The following STEEP1 variants were observed in gnomAD, a reference collection of about 807,000 sequenced individuals.
STEEP1 encodes STING ER exit protein.
STEEP1 carries 3 observed loss-of-function variants against 19.2 expected under a neutral mutation model. That is an observed-to-expected ratio of 0.16 (90% CI 0.07 to 0.40). The LOEUF is 0.40. STEEP1 is among the 10% of genes least tolerant of loss of function. The probability of loss-of-function intolerance (pLI) is 0.99; values close to 1 mark genes in which losing one functional copy is unlikely to be tolerated. For missense variants in STEEP1, 54 were observed against 177.1 expected (o/e 0.30, Z 3.94); for synonymous variants, 46 against 63.7 (o/e 0.72, Z 1.32).
chrX:119,548,235 C>T (rs1326646899), intron 2 of STEEP1, among the ~76,000 whole-genome samples: 1 of 109,541 alleles, frequency 9.1e-6, no homozygotes. Context: ...GTTAGAATGG[C>T]TGTTATCAAA....
chrX:119,549,095 T>C (rs1208149772), intron 2 of STEEP1, among the ~76,000 whole-genome samples: 2 of 111,688 alleles, frequency 1.8e-5, no homozygotes, highest in Non-Finnish European at 3.8e-5. Context: ...TGGGAGGTTG[T>C]TGTCCAATGG....
chrX:119,553,475 T>C (rs2147353879), intron 2 of STEEP1, among the ~76,000 whole-genome samples: 1 of 111,592 alleles, frequency 9.0e-6, no homozygotes, highest in Admixed American at 9.6e-5. Context: ...ATAAGGAAAT[T>C]GGGGGCCTAA....
chrX:119,546,922 T>C (rs2053210038), intron 2 of STEEP1, among the ~76,000 whole-genome samples: 1 of 111,303 alleles, frequency 9.0e-6, no homozygotes, highest in Admixed American at 9.7e-5. Context: ...TCCCCTTGTT[T>C]CAACTTTGTA....
chrX:119,544,030 C>T (rs1414965445), intron 4 of STEEP1, among the ~76,000 whole-genome samples: 1 of 111,256 alleles, frequency 9.0e-6, no homozygotes. Flanking sequence ...AGAATGCATC[C>T]ATACACATGC....
rs758801450 is a variant in STEEP1 at position 119,554,837 on chromosome X, T to G, written c.242+5431A>C. The stretch of plus-strand genomic sequence containing the variant: ...AATCAAGATTTCAGGCCAGGCACGG[T>G]GGCTCACACCTGTAATCCCAGCATT... On this transcript the variant is annotated intron_variant, in intron 2 of 6. Transcript: ENST00000644802. 2.7e-5 allele frequency among the ~76,000 whole-genome samples: 3 copies of G among 111,465 alleles called. No individual in the cohort carries two copies. In the South Asian group the frequency reaches 1.1e-3, roughly 42 times the overall value.
Position 119,544,498 on chromosome X carries a change from T to G in STEEP1, c.285-7A>C, listed in dbSNP as rs749919862. On this transcript the variant is annotated splice_polypyrimidine_tract_variant and splice_region_variant and intron_variant, in intron 3 of 6. Transcript: ENST00000644802. ...GAAGAGCGGCAGTCCACACCTGCAA[T>G]GACACAGTGAATTTCTGCGAGGTCT... The G allele has an allele frequency of 1.1e-5, 13 of 1,204,011 alleles. No homozygotes were observed. In the East Asian group the frequency reaches 3.9e-4, roughly 36 times the overall value.
intron 5 of STEEP1, among the ~76,000 whole-genome samples, chrX:119,541,791 G>A (rs753954289): frequency 8.9e-6 from 1 of 111,832 alleles, no homozygotes; most frequent in Admixed American, 9.6e-5. Flanking sequence ...TTATACTGAA[G>A]AACCATAAAG....
intron 4 of STEEP1, among the ~76,000 whole-genome samples, chrX:119,543,241 G>A (rs1434794693): frequency 9.2e-6 from 1 of 108,425 alleles, no homozygotes; most frequent in Admixed American, 1.0e-4. Context: ...CCAGCCTGAA[G>A]TGCAATGGTG....
chrX:119,561,489 C>T (rs2053320390), intron 1 of STEEP1, among the ~76,000 whole-genome samples: 2 of 109,295 alleles, frequency 1.8e-5, no homozygotes, highest in Admixed American at 9.9e-5. Context: ...CAACATATAG[C>T]GAAACCGTCT....
chrX:119,564,956 G>A (rs1167524566), intron 1 of STEEP1, among the ~76,000 whole-genome samples: 1 of 110,957 alleles, frequency 9.0e-6, no homozygotes, highest in Admixed American at 9.6e-5. Flanking sequence ...GGATTAAGAG[G>A]GAAATACAAT....
At chrX:119,555,909 G>A (rs745353369) in intron 2 of STEEP1, among the ~76,000 whole-genome samples, 14 of 111,803 alleles carry the variant, frequency 1.3e-4, no homozygotes, top group African/African-American at 3.2e-4. Flanking sequence ...AGAAGGAAAA[G>A]AAGGACTAGC....
chrX:119,557,364 G>A (rs757311053), intron 2 of STEEP1, among the ~76,000 whole-genome samples: 8 of 105,660 alleles, frequency 7.6e-5, no homozygotes, highest in Non-Finnish European at 9.7e-5. Flanking sequence ...TTGGGAGGCC[G>A]AGGTGGGAGG....
chrX:119,557,246 T>C (rs1480196966), intron 2 of STEEP1, among the ~76,000 whole-genome samples: 1 of 108,083 alleles, frequency 9.3e-6, no homozygotes, highest in East Asian at 2.9e-4. Context: ...TAAAGTTTCA[T>C]AAGGGCAGGA....
At chrX:119,549,103 T>C (rs2053227517) in intron 2 of STEEP1, among the ~76,000 whole-genome samples, 1 of 111,561 alleles carries the variant, frequency 9.0e-6, no homozygotes, top group Non-Finnish European at 1.9e-5. Context: ...TGTTGTCCAA[T>C]GGATATAAAG....
At chrX:119,556,779 T>C (rs1169256180) in intron 2 of STEEP1, among the ~76,000 whole-genome samples, 1 of 110,564 alleles carries the variant, frequency 9.0e-6, no homozygotes, top group South Asian at 3.8e-4. Flanking sequence ...TTAGATTTTA[T>C]CATCAGCATA....
intron 4 of STEEP1, among the ~76,000 whole-genome samples, chrX:119,542,997 C>CAAAAAAAA (rs60574433): frequency 6.5e-4 from 31 of 47,895 alleles, no homozygotes; most frequent in Non-Finnish European, 9.8e-4. Context: ...CTGGGTCTCG[C>CAAAAAAAA]AAAAAAAAAA....
Position 119,565,091 on chromosome X carries a change from G to A in STEEP1, c.124+141C>T, listed in dbSNP as rs188077777. On this transcript the variant is annotated intron_variant, in intron 1 of 6. Transcript: ENST00000644802. ...ATGCCCTGGAGTGGGGCGGGGATGC[G>A]TAGGGAGGATTTAGTCGGAGAGAGA... 155 of 988,995 alleles carry A rather than the reference G, an allele frequency of 1.6e-4. 1 individual carries two copies. In the African/African-American group the frequency reaches 2.8e-3, roughly 18 times the overall value. The allele number at this position is 988,995 out of a possible 1,213,427, so 81.5% of individuals were successfully genotyped here.
chrX:119,564,265 G>A (rs1471010601), intron 1 of STEEP1, among the ~76,000 whole-genome samples: 1 of 111,735 alleles, frequency 8.9e-6, no homozygotes, highest in Non-Finnish European at 1.9e-5. Context: ...GGGAGGCCGA[G>A]GCGGGTGGAT....
intron 2 of STEEP1, among the ~76,000 whole-genome samples, chrX:119,556,582 CAA>C (rs60424721): frequency 9.2e-4 from 65 of 70,512 alleles, no homozygotes; most frequent in Admixed American, 1.1e-3. Context: ...GACTCCGTCT[CAA>C]AAAAAAAAAA....
Sources: allele counts gnomAD v4.1 joint callset (sites outside exome capture counted in the v4.1 genomes callset), GRCh38; gene constraint gnomAD v4.1.1; transcripts MANE v1.5; gene names NCBI Gene and HGNC (gene_info 2026-07-23, HGNC 2026-07-21).